The following PTK2 variants were observed in gnomAD, a reference collection of about 807,000 sequenced individuals.
PTK2 encodes protein tyrosine kinase 2, also known as focal adhesion kinase 1.
In PTK2, 45 loss-of-function variants were observed where a neutral mutation model predicts 150.1. The observed-to-expected ratio is 0.30, with a 90% CI of 0.24 to 0.38. The LOEUF is 0.38. PTK2 is among the 10% of genes least tolerant of loss of function. The probability of loss-of-function intolerance (pLI) is 1.00; values close to 1 mark genes in which losing one functional copy is unlikely to be tolerated. For synonymous variants in PTK2, 432 were observed against 449.2 expected (o/e 0.96, Z 0.48); for missense variants, 919 against 1,307.3 (o/e 0.70, Z 4.58).
chr8:140,887,363 T>A (rs1050033461), intron 3 of PTK2, among the ~76,000 whole-genome samples: 47 of 152,200 alleles, frequency 3.1e-4, no homozygotes, highest in African/African-American at 1.1e-3. Flanking sequence ...TCAATGAGTA[T>A]CATTTTACTA....
chr8:140,916,238 G>A (rs2100165222), intron 2 of PTK2, among the ~76,000 whole-genome samples: 1 of 152,224 alleles, frequency 6.6e-6, no homozygotes, highest in Admixed American at 6.5e-5. Flanking sequence ...CTATTTTTAA[G>A]GAATGTGGAT....
At chr8:140,709,410 A>C (rs745649825) in intron 23 of PTK2, among the ~76,000 whole-genome samples, 15 of 152,226 alleles carry the variant, frequency 9.9e-5, no homozygotes, top group Non-Finnish European at 1.8e-4. Flanking sequence ...CACAAAATCA[A>C]ATGTTGCTAA....
intron 2 of PTK2, among the ~76,000 whole-genome samples, chr8:140,896,709 A>G (rs2154607565): frequency 7.0e-6 from 1 of 142,134 alleles, no homozygotes; most frequent in South Asian, 2.4e-4. Flanking sequence ...ATGGATGCCC[A>G]CCATTACCAC....
At chr8:140,671,267 G>T (rs2095350762) in intron 29 of PTK2, among the ~76,000 whole-genome samples, 1 of 152,140 alleles carries the variant, frequency 6.6e-6, no homozygotes, top group Non-Finnish European at 1.5e-5. Context: ...TGTCGCCCAG[G>T]CTGGAGTGCA....
intron 3 of PTK2, among the ~76,000 whole-genome samples, chr8:140,882,358 G>A (rs4301489): frequency 0.96 from 145,727 of 152,260 alleles, 69,938 homozygotes; most frequent in Non-Finnish European, 1. Context: ...TCACACACAC[G>A]TACATTTAGA....
In PTK2 at chr8:140,675,446, C is replaced by T. The variant is rs1589460645; in HGVS notation, c.2602+14G>A. 1.9e-6 allele frequency: 3 copies of T among 1,611,602 alleles called. No homozygotes were observed. The East Asian group carries it at 6.7e-5, about 36-fold the overall frequency. On this transcript the variant is annotated intron_variant, in intron 28 of 31. Coordinates refer to ENST00000522684, the Ensembl canonical transcript of PTK2. ...TAAACTAACTTCTTTCCGCCCAATT[C>T]TTTTCTTCTTTACCTGGTTTACCCA...
At chr8:140,795,374 G>C (rs1314739490) in intron 12 of PTK2, among the ~76,000 whole-genome samples, 1 of 152,104 alleles carries the variant, frequency 6.6e-6, no homozygotes, top group African/African-American at 2.4e-5. Flanking sequence ...CTAGTGACCT[G>C]GGTCTCTGCT....
At chr8:140,852,173 G>C (rs1432600099) in intron 5 of PTK2, among the ~76,000 whole-genome samples, 1 of 152,188 alleles carries the variant, frequency 6.6e-6, no homozygotes, top group African/African-American at 2.4e-5. Context: ...ATGCCCTACT[G>C]TGTGGTGGAT....
intron 15 of PTK2, 35 bp downstream of exon 17, chr8:140,764,199 A>G: frequency 6.4e-7 from 1 of 1,555,732 alleles, no homozygotes; most frequent in Non-Finnish European, 8.9e-7. Flanking sequence ...GCATCTGTCA[A>G]GTCTGAGCAA....
intron 31 of PTK2, among the ~76,000 whole-genome samples, chr8:140,661,470 C>A (rs1224971477): frequency 1.3e-5 from 2 of 152,124 alleles, no homozygotes; most frequent in Admixed American, 1.3e-4. Context: ...ACTGTGGAAG[C>A]AAACAAGGAA....
At chr8:140,742,493 G>T (rs1464164620) in intron 20 of PTK2, among the ~76,000 whole-genome samples, 1 of 152,168 alleles carries the variant, frequency 6.6e-6, no homozygotes, top group Non-Finnish European at 1.5e-5. Context: ...TACATTCCCA[G>T]CAGCAATTTA....
At chr8:140,980,609 G>C (rs966911929) in intron 1 of PTK2, among the ~76,000 whole-genome samples, 1 of 152,014 alleles carries the variant, frequency 6.6e-6, no homozygotes, top group Non-Finnish European at 1.5e-5. Flanking sequence ...GCGACAGAGC[G>C]AGACTTCATC....
At chr8:140,915,895 C>T (rs1568819028) in intron 2 of PTK2, among the ~76,000 whole-genome samples, 2 of 128,262 alleles carry the variant, frequency 1.6e-5, no homozygotes, top group Admixed American at 1.8e-4. Context: ...GAGCAAAACT[C>T]GGTCTCAAAA....
chr8:140,945,439 A>C (rs966336037), intron 1 of PTK2, among the ~76,000 whole-genome samples: 3 of 152,178 alleles, frequency 2.0e-5, no homozygotes, highest in Non-Finnish European at 4.4e-5. Flanking sequence ...TTTAAAAATT[A>C]GCCAGGCACA....
intron 23 of PTK2, among the ~76,000 whole-genome samples, chr8:140,708,043 G>C (rs1591467899): frequency 6.6e-6 from 1 of 152,254 alleles, no homozygotes. Context: ...CATAGTGAAA[G>C]AACAATTTAG....
At chr8:140,957,682 T>C (rs991836766) in intron 1 of PTK2, among the ~76,000 whole-genome samples, 1 of 152,200 alleles carries the variant, frequency 6.6e-6, no homozygotes, top group Non-Finnish European at 1.5e-5. Flanking sequence ...TTTAATCTTT[T>C]ATATCATATT....
intron 14 of PTK2, among the ~76,000 whole-genome samples, chr8:140,767,389 G>A (rs2100072920): frequency 1.3e-5 from 2 of 152,106 alleles, no homozygotes; most frequent in Admixed American, 1.3e-4. Flanking sequence ...AATTCATGGA[G>A]TAAAATCAAC....
chr8:140,849,470 G>A (rs972724383), intron 5 of PTK2, among the ~76,000 whole-genome samples: 3 of 152,158 alleles, frequency 2.0e-5, no homozygotes, highest in Admixed American at 2.0e-4. Flanking sequence ...ACTCCCAGCA[G>A]AATTGCTATC....
At chr8:140,828,080 T>C (rs566181307) in intron 8 of PTK2, among the ~76,000 whole-genome samples, 108 of 151,788 alleles carry the variant, frequency 7.1e-4, no homozygotes, top group African/African-American at 2.4e-3. Context: ...GGCAGAAGAA[T>C]TGCTTGAACC....
Sources: gnomAD v4.1 joint callset for allele counts (sites outside exome capture counted in the v4.1 genomes callset) on GRCh38, gnomAD v4.1.1 for gene constraint, MANE v1.5 for transcripts, NCBI Gene and HGNC (gene_info 2026-07-23, HGNC 2026-07-21) for gene names.